The following NANOS3 variants were observed in gnomAD, a reference collection of about 807,000 sequenced individuals.
NANOS3 encodes nanos C2HC-type zinc finger 3.
NANOS3 carries 11 observed loss-of-function variants against 13.8 expected under a neutral mutation model. The ratio of observed to expected loss-of-function variants is 0.80; its 90% CI spans 0.50 to 1.32. The LOEUF (loss-of-function observed/expected upper bound fraction) is 1.32, where lower values mean the gene tolerates loss of function less well. Among genes scored for constraint, NANOS3 ranks in the 40% most tolerant of loss-of-function variants. The pLI is 0.00. For missense variants in NANOS3, 221 were observed against 263.8 expected, an observed-to-expected ratio of 0.84 and a Z score of 1.12; for synonymous variants, 119 against 115.4, an observed-to-expected ratio of 1.03 and a Z score of -0.20.
rs771859744 is a variant in NANOS3, at chr19:13,877,784, G to T, written c.517+19G>T. On this transcript the variant is annotated intron_variant, in intron 1 of 1. Coordinates refer to ENST00000339133, the MANE Select transcript of NANOS3 (RefSeq NM_001098622.3). ...GGAGCAGGTGCCTGCACAGGTGGCTGGGGGGGACCTGTCCGAGGGTAGTGG... is the reference window on the plus strand; with the variant it reads ...GGAGCAGGTGCCTGCACAGGTGGCTTGGGGGGACCTGTCCGAGGGTAGTGG... The T allele has an allele frequency of 6.5e-7, 1 of 1,535,454 alleles. No individual in the cohort carries two copies. Among genetic ancestry groups the T allele is most frequent in the Non-Finnish European group, 8.7e-7 (1 of 1,144,042 alleles).
Position 13,877,260 on chromosome 19 carries a change from T to C in NANOS3, c.12T>C (p.Phe4=), listed in dbSNP as rs377326472. The C allele has an allele frequency of 1.2e-6, 2 of 1,608,780 alleles. No homozygotes were observed. The highest frequency in any genetic ancestry group is 2.7e-5 in the African/African-American group (2 of 74,838). ...CATGCTGCCCAGCTATGGGGACCTTTGACCTGTGGACAGATTACCTGGGTT... is the reference window on the plus strand; with the variant it reads ...CATGCTGCCCAGCTATGGGGACCTTCGACCTGTGGACAGATTACCTGGGTT... MGT[F]DLWTDYLGLA... is the part of the protein sequence containing the mutation. Residue 4 remains phenylalanine (F), a synonymous_variant, in exon 1 of 2, where the codon TTT becomes TTC. Coordinates refer to ENST00000339133, the MANE Select transcript of NANOS3 (RefSeq NM_001098622.3).
At chr19:13,869,734 T>TC (rs1413959971) in intron 1 of NANOS3, among the ~76,000 whole-genome samples, 1 of 148,724 alleles carries the variant, frequency 6.7e-6, no homozygotes, top group Non-Finnish European at 1.5e-5. Context: ...CCACCCCGTG[T>TC]CCCCCTTCCA....
In NANOS3 at chr19:13,877,310, G is replaced by A. The variant is rs750037259; in HGVS notation, c.62G>A (p.Ser21Asn). The change falls in exon 1 of 2, where the codon AGT becomes AAT. Residue 21 changes from serine (S) to asparagine (N), a missense_variant. By Grantham distance (46) the Ser-to-Asn change is conservative. This residue lies in a region of NANOS3 where 112 missense variants were observed against 116.3 expected (regional missense o/e 0.96). Transcript: ENST00000339133. Reference sequence around the variant, plus strand: ...TTGGCACACCTGGTTAGGGCTCTGAGTGGGAAAGAGGGTCCTGAAACCAGG... The same window carrying A: ...TTGGCACACCTGGTTAGGGCTCTGAATGGGAAAGAGGGTCCTGAAACCAGG... ...LGLAHLVRALSGKEGPETRLS... is the reference protein window; with the variant it reads ...LGLAHLVRALNGKEGPETRLS... 8.7e-5 allele frequency: 141 copies of A among 1,613,022 alleles called. No homozygotes were observed. The highest frequency in any genetic ancestry group is 1.2e-4 in the Non-Finnish European group (138 of 1,180,034).
chr19:13,877,205 A>C lies in NANOS3; in HGVS notation c.-44A>C, dbSNP rs745545368. ...GAGGGAGCTTAAGCCAGGCAGGGTT[A>C]CTTGTCTCTGTGACTCCTTCCGCCT... On this transcript the variant is annotated 5_prime_UTR_variant, in exon 1 of 2. Coordinates refer to ENST00000339133, the MANE Select transcript of NANOS3 (RefSeq NM_001098622.3). 7 of 1,528,246 alleles carry C rather than the reference A, an allele frequency of 4.6e-6. No individual in the cohort carries two copies. The South Asian group carries it at 8.3e-5, about 18-fold the overall frequency. 94.7% of individuals were successfully genotyped at this position (1,528,246 alleles called of 1,614,324 possible).
At chr19:13,869,743 C>T (rs948692492) in intron 1 of NANOS3, among the ~76,000 whole-genome samples, 3 of 151,500 alleles carry the variant, frequency 2.0e-5, no homozygotes, top group Admixed American at 6.6e-5. Context: ...GTCCCCCTTC[C>T]AGGCCCAAGT....
chr19:13,880,102 G>C (rs1378067661), intron 1 of NANOS3, among the ~76,000 whole-genome samples: 1 of 152,194 alleles, frequency 6.6e-6, no homozygotes, highest in Non-Finnish European at 1.5e-5. Flanking sequence ...TGTCTCACTG[G>C]GAGACGCTGG....
intron 1 of NANOS3, among the ~76,000 whole-genome samples, chr19:13,865,934 G>A (rs1976231492): frequency 6.6e-6 from 1 of 151,944 alleles, no homozygotes; most frequent in African/African-American, 2.4e-5. Flanking sequence ...CCCGGCGCGC[G>A]CGCGTTCGTG....
chr19:13,877,911 A>G, intron 1 of NANOS3, 146 bp downstream of exon 1: 1 of 1,386,342 alleles, frequency 7.2e-7, no homozygotes, highest in South Asian at 1.6e-5. Context: ...TTATTTACGT[A>G]TTTATTTATT....
chr19:13,867,463 C>T (rs1421946733), intron 1 of NANOS3, among the ~76,000 whole-genome samples: 1 of 149,708 alleles, frequency 6.7e-6, no homozygotes, highest in Non-Finnish European at 1.5e-5. Context: ...TGGAGTTTTG[C>T]CGGTTGCCCA....
At chr19:13,876,097 A>C (rs1486200808), upstream of NANOS3, among the ~76,000 whole-genome samples, 1 of 152,110 alleles carries the variant, frequency 6.6e-6, no homozygotes, top group African/African-American at 2.4e-5. Flanking sequence ...ACCTAGCCTC[A>C]GGGGGCCCCA....
chr19:13,877,642 G>A lies in NANOS3; in HGVS notation c.394G>A (p.Gly132Ser), dbSNP rs1599305330. 6.2e-7 allele frequency: 1 copy of A among 1,612,388 alleles called. No individual in the cohort carries two copies. The highest frequency in any genetic ancestry group is 2.2e-5 in the East Asian group (1 of 44,868). The change falls in exon 1 of 2, where the codon GGC becomes AGC. Residue 132 changes from glycine (G) to serine (S), a missense_variant. Gly to Ser is a moderately conservative substitution (Grantham distance 56). This residue lies in a region of NANOS3 where 49 missense variants were observed against 91.0 expected (regional missense o/e 0.54). Coordinates refer to ENST00000339133, the MANE Select transcript of NANOS3 (RefSeq NM_001098622.3). Reference protein sequence around the residue: ...AHTRRFCPLTGQGYTSVYSHT... With the variant: ...AHTRRFCPLTSQGYTSVYSHT... ...CACCCGACGCTTCTGCCCACTTACT[G>A]GCCAGGGCTACACCTCCGTCTACAG... is the stretch of plus-strand genomic sequence containing the variant.
chr19:13,865,607 G>C (rs1976224467), intron 1 of NANOS3, among the ~76,000 whole-genome samples: 1 of 149,312 alleles, frequency 6.7e-6, no homozygotes, highest in South Asian at 2.1e-4. Context: ...TTGTTGTTGG[G>C]GCTTGGAAGG....
In NANOS3 at chr19:13,866,577, G is replaced by A. The variant is rs929140528; in HGVS notation, n.21+1140G>A. 2.6e-5 allele frequency among the ~76,000 whole-genome samples: 4 copies of A among 152,118 alleles called. No individual in the cohort carries two copies. The South Asian group carries it at 8.3e-4, about 32-fold the overall frequency. ...GTAGACACGTCACCCACAAGGGCTC[G>A]GACATCCAGGGATAGTGCCCATTGA... is the stretch of plus-strand genomic sequence containing the variant. On this transcript the variant is annotated intron_variant and non_coding_transcript_variant, in intron 1 of 2. Transcript: ENST00000591161.
At chr19:13,862,709 TTG>T (rs534128188), upstream of NANOS3, among the ~76,000 whole-genome samples, 1 of 152,086 alleles carries the variant, frequency 6.6e-6, no homozygotes, top group South Asian at 2.1e-4. Context: ...CGGCTAATTT[TTG>T]TGTTTTTAGT....
upstream of NANOS3, among the ~76,000 whole-genome samples, chr19:13,873,669 C>T (rs1968440789): frequency 6.6e-6 from 1 of 152,062 alleles, no homozygotes; most frequent in Non-Finnish European, 1.5e-5. Context: ...AGGTATCTCG[C>T]TATGTTGCTC....
upstream of NANOS3, among the ~76,000 whole-genome samples, chr19:13,876,372 C>G (rs10406053): frequency 0.32 from 48,308 of 151,954 alleles, 9,581 homozygotes; most frequent in African/African-American, 0.56. Context: ...GTTAGCCAGG[C>G]TGGTCTCGAA....
upstream of NANOS3, among the ~76,000 whole-genome samples, chr19:13,874,484 C>A (rs542462086): frequency 2.6e-5 from 4 of 152,318 alleles, no homozygotes; most frequent in South Asian, 8.3e-4. Context: ...GCCAGCACTC[C>A]CCTGCACTGC....
At chr19:13,869,330 T>G (rs1007246273) in intron 1 of NANOS3, among the ~76,000 whole-genome samples, 1 of 152,066 alleles carries the variant, frequency 6.6e-6, no homozygotes, top group Non-Finnish European at 1.5e-5. Context: ...CTCCTTCAGC[T>G]TGGCCCCTCC....
In NANOS3 at chr19:13,880,441, G is replaced by T. The variant is rs1471326516; in HGVS notation, c.518-1G>T. 6.2e-7 allele frequency: 1 copy of T among 1,613,884 alleles called. No individual in the cohort carries two copies. Among genetic ancestry groups the T allele is most frequent in the Non-Finnish European group, 8.5e-7 (1 of 1,179,840 alleles). Reference sequence around the variant, plus strand: ...CATTTCTCTCCCTCCCCCTCCACTAGGTTTCAGAGGTGCCGGGAAGTCTGA... The same window carrying T: ...CATTTCTCTCCCTCCCCCTCCACTATGTTTCAGAGGTGCCGGGAAGTCTGA... On this transcript the variant is annotated splice_acceptor_variant, in intron 1 of 1. Transcript: ENST00000339133. LOFTEE classifies it high-confidence loss of function.
Sources: allele counts gnomAD v4.1 joint callset (sites outside exome capture counted in the v4.1 genomes callset), GRCh38; gene constraint gnomAD v4.1.1; regional missense constraint gnomAD v4.1.1; transcripts MANE v1.5; gene names NCBI Gene and HGNC (gene_info 2026-07-23, HGNC 2026-07-21).